Variants in MFHAS1 observed in about 807,000 individuals in gnomAD.
The protein encoded by MFHAS1 is malignant fibrous histiocytoma-amplified sequence 1.
In MFHAS1, 50 loss-of-function variants were observed where a neutral mutation model predicts 70.4. The observed-to-expected ratio is 0.71, with a 90% confidence interval of 0.57 to 0.90. MFHAS1 has a LOEUF of 0.90. MFHAS1 is among the 40% of genes least tolerant of loss of function. The pLI, the probability that MFHAS1 is intolerant of heterozygous loss-of-function variation, is 0.00. For synonymous variants in MFHAS1, 952 were observed against 620.0 expected (o/e 1.54, Z -7.96); for missense variants, 1,795 against 1,347.6 (o/e 1.33, Z -5.20).
intron 1 of MFHAS1, among the ~76,000 whole-genome samples, chr8:8,872,939 G>T (rs183006868): frequency 6.6e-6 from 1 of 152,174 alleles, no homozygotes; most frequent in African/African-American, 2.4e-5. Context: ...GCAGAACATC[G>T]TGCAAGAGTG....
At position 8,806,954 on chromosome 8, in the gene MFHAS1, C is replaced by T. The variant is rs113858455; in HGVS notation, c.2999-9463G>A. 4.6e-3 allele frequency among the ~76,000 whole-genome samples: 701 copies of T among 151,120 alleles called. 4 individuals are homozygous for T. Among genetic ancestry groups the T allele is most frequent in the African/African-American group, 0.016 (636 of 40,780 alleles). On this transcript the variant is annotated intron_variant, in intron 1 of 2. Transcript: ENST00000276282. ...ACAGCCCTGGGGACACAGCCAGACT[C>T]TGTCTCAAAAAAAAAAAGAAAACAC...
chr8:8,850,435 T>C (rs763209545), intron 1 of MFHAS1, among the ~76,000 whole-genome samples: 17 of 152,236 alleles, frequency 1.1e-4, no homozygotes, highest in Admixed American at 2.0e-4. Context: ...AATTTTTAAA[T>C]TGGAACAGAC....
At chr8:8,825,167 A>G (rs1426108321) in intron 1 of MFHAS1, among the ~76,000 whole-genome samples, 1 of 152,110 alleles carries the variant, frequency 6.6e-6, no homozygotes, top group East Asian at 1.9e-4. Context: ...CTTAAAGAAA[A>G]GGGTTGCGGT....
In MFHAS1 at chr8:8,785,930, TG is replaced by T. The variant is rs1805526162; in HGVS notation, c.*91del. On this transcript the variant is annotated 3_prime_UTR_variant, in exon 3 of 3. Transcript: ENST00000276282. ...TGTCACTCAAGTTCACAGAACACGCTGGGGTGAGTGCAGAGGGTCTGCCAGG... is the reference window on the plus strand; with the variant it reads ...TGTCACTCAAGTTCACAGAACACGCTGGGTGAGTGCAGAGGGTCTGCCAGG... The T allele has an allele frequency of 8.1e-7, 1 of 1,236,310 alleles. No individual in the cohort carries two copies. Among genetic ancestry groups the T allele is most frequent in the South Asian group, 1.2e-5 (1 of 83,930 alleles). 76.6% of individuals were successfully genotyped at this position (1,236,310 alleles called of 1,614,324 possible). A position where few individuals can be genotyped will look rare whatever the true frequency, so the allele number is the denominator to read the frequency against.
chr8:8,853,362 A>G (rs1808315500), intron 1 of MFHAS1, among the ~76,000 whole-genome samples: 1 of 151,880 alleles, frequency 6.6e-6, no homozygotes, highest in African/African-American at 2.4e-5. Flanking sequence ...TAGCAGAGAA[A>G]GCGGAAGGGA....
At chr8:8,890,014 A>C in intron 1 of MFHAS1, 47 bp downstream of exon 1, 1 of 1,440,022 alleles carries the variant, frequency 6.9e-7, no homozygotes, top group East Asian at 2.3e-5. Flanking sequence ...CTCCAAAAAC[A>C]TATCTTACAG....
At chr8:8,884,069 C>CAT (rs2116935395) in intron 1 of MFHAS1, among the ~76,000 whole-genome samples, 1 of 104,438 alleles carries the variant, frequency 9.6e-6, no homozygotes, top group East Asian at 2.5e-4. Flanking sequence ...CACACACACA[C>CAT]ACACACACAC....
At chr8:8,848,006 T>C (rs886229602) in intron 1 of MFHAS1, among the ~76,000 whole-genome samples, 2 of 152,230 alleles carry the variant, frequency 1.3e-5, no homozygotes, top group African/African-American at 4.8e-5. Context: ...TGTTAGGGGA[T>C]ATTTTCCCCA....
At chr8:8,840,435 CCA>C in intron 1 of MFHAS1, among the ~76,000 whole-genome samples, 1 of 146,862 alleles carries the variant, frequency 6.8e-6, no homozygotes, top group East Asian at 2.0e-4. Flanking sequence ...CTAGCCTGGG[CCA>C]CAGAGTGAGA....
chr8:8,835,967 A>T (rs978636792), intron 1 of MFHAS1, among the ~76,000 whole-genome samples: 1 of 152,260 alleles, frequency 6.6e-6, no homozygotes, highest in African/African-American at 2.4e-5. Flanking sequence ...ACAGTGGCAC[A>T]GGTAGGTGGT....
chr8:8,823,105 G>C (rs1240892854), intron 1 of MFHAS1, among the ~76,000 whole-genome samples: 2 of 152,154 alleles, frequency 1.3e-5, no homozygotes, highest in Admixed American at 6.5e-5. Context: ...TCTGGGGATA[G>C]CTCTCCTCCT....
intron 2 of MFHAS1, among the ~76,000 whole-genome samples, chr8:8,789,984 C>T (rs1207554751): frequency 3.3e-5 from 5 of 152,164 alleles, no homozygotes; most frequent in Admixed American, 3.3e-4. Flanking sequence ...TACTTGTGAC[C>T]ATCCCGGTAC....
chr8:8,786,421 G>A (rs1306943881), intron 2 of MFHAS1, among the ~76,000 whole-genome samples: 2 of 151,976 alleles, frequency 1.3e-5, no homozygotes, highest in Admixed American at 6.6e-5. Flanking sequence ...AAACACACAC[G>A]GTCACACGCA....
At chr8:8,873,371 A>G (rs1384904975) in intron 1 of MFHAS1, among the ~76,000 whole-genome samples, 1 of 152,134 alleles carries the variant, frequency 6.6e-6, no homozygotes, top group Non-Finnish European at 1.5e-5. Flanking sequence ...TGTGAAAAAA[A>G]CTCCCAAGAA....
intron 1 of MFHAS1, among the ~76,000 whole-genome samples, chr8:8,855,952 C>G (rs1027912463): frequency 2.6e-5 from 4 of 152,174 alleles, no homozygotes; most frequent in Non-Finnish European, 1.5e-5. Flanking sequence ...AAAACACTGG[C>G]CATAACAGAT....
chr8:8,789,494 C>T (rs533699431), intron 2 of MFHAS1, among the ~76,000 whole-genome samples: 7 of 152,138 alleles, frequency 4.6e-5, no homozygotes, highest in Admixed American at 6.5e-5. Flanking sequence ...ACCCAGCCCC[C>T]GAGTCCTCCC....
chr8:8,814,949 T>C (rs1164383394), intron 1 of MFHAS1, among the ~76,000 whole-genome samples: 7 of 151,624 alleles, frequency 4.6e-5, no homozygotes, highest in Admixed American at 1.3e-4. Context: ...GTTTGCTGCA[T>C]AGATCAACCC....
In MFHAS1 at chr8:8,892,606, G is replaced by C. The variant is rs780165367; in HGVS notation, c.453C>G (p.Pro151=). The part of the protein sequence containing the change: ...NLSHNQLPAL[P]AQLGALAHLE... ...GGTGAGCGAGAGCGCCCAGCTGGGC[G>C]GGCAGGGCGGGCAGCTGGTTGTGGC... is the stretch of plus-strand genomic sequence containing the variant. Residue 151 remains proline, a synonymous_variant, in exon 1 of 3, where the codon CCC becomes CCG. Transcript: ENST00000276282. This position sits in a 1 kb window ranked among gnomAD's most constrained non-coding sequence, Gnocchi z 4.7. The C allele has an allele frequency of 1.9e-6, 3 of 1,608,112 alleles. No homozygotes were observed. Among genetic ancestry groups the C allele is most frequent in the African/African-American group, 2.7e-5 (2 of 74,852 alleles).
chr8:8,801,186 G>C (rs1386449144), intron 1 of MFHAS1, among the ~76,000 whole-genome samples: 1 of 151,886 alleles, frequency 6.6e-6, no homozygotes, highest in Non-Finnish European at 1.5e-5. Flanking sequence ...CTGCACTCCA[G>C]CCTGGACGAT....
Sources: allele counts gnomAD v4.1 joint callset (sites outside exome capture counted in the v4.1 genomes callset), GRCh38; gene constraint gnomAD v4.1.1; non-coding constraint Gnocchi (gnomAD v3.1); transcripts MANE v1.5; gene names NCBI Gene and HGNC (gene_info 2026-07-23, HGNC 2026-07-21).